ROR1: variants seen among roughly 807,000 people sequenced by gnomAD.
ROR1 encodes ROR family WNT receptor 1, also known as inactive tyrosine-protein kinase transmembrane receptor ROR1.
A neutral mutation model predicts 78.8 loss-of-function variants in ROR1; 19 were observed. The ratio of observed to expected loss-of-function variants is 0.24; its 90% CI spans 0.17 to 0.35. The LOEUF is 0.35. Ranked by LOEUF, ROR1 falls within the 10% of genes least tolerant of loss-of-function variation. ROR1 has a pLI of 1.00. For missense variants in ROR1, 917 were observed against 1,177.8 expected (o/e 0.78, Z 3.24); for synonymous variants, 386 against 433.6 (o/e 0.89, Z 1.36).
intron 2 of ROR1, among the ~76,000 whole-genome samples, chr1:64,041,777 C>T (rs575640737): frequency 1.3e-5 from 2 of 152,296 alleles, no homozygotes; most frequent in South Asian, 2.1e-4. Context: ...AAAATGTGTT[C>T]GGCCAGCACC....
chr1:63,816,344 T>C (rs1213419576), intron 1 of ROR1, among the ~76,000 whole-genome samples: 1 of 152,174 alleles, frequency 6.6e-6, no homozygotes, highest in Non-Finnish European at 1.5e-5. Context: ...AATTGAATCA[T>C]AGGAGCAGGT....
At chr1:63,861,821 A>C (rs896117355) in intron 1 of ROR1, among the ~76,000 whole-genome samples, 4 of 152,204 alleles carry the variant, frequency 2.6e-5, no homozygotes, top group African/African-American at 9.7e-5. Flanking sequence ...ATAAATGCCC[A>C]TTCCAATTGA....
chr1:64,117,366 C>T (rs1312211772), intron 4 of ROR1, among the ~76,000 whole-genome samples: 1 of 152,006 alleles, frequency 6.6e-6, no homozygotes. Flanking sequence ...ATGCAGGAGC[C>T]CACTTTGTAA....
chr1:64,124,602 C>T (rs1648649674), intron 4 of ROR1, among the ~76,000 whole-genome samples: 1 of 152,140 alleles, frequency 6.6e-6, no homozygotes, highest in Non-Finnish European at 1.5e-5. Flanking sequence ...GCATTTCCTT[C>T]CAGACCTCTA....
At chr1:63,853,349 A>G (rs1645126246) in intron 1 of ROR1, among the ~76,000 whole-genome samples, 1 of 152,220 alleles carries the variant, frequency 6.6e-6, no homozygotes, top group Non-Finnish European at 1.5e-5. Flanking sequence ...GAGGTTAAGT[A>G]TTCTGCCCAA....
chr1:64,138,605 G>A (rs1454256121), intron 5 of ROR1, among the ~76,000 whole-genome samples: 2 of 151,146 alleles, frequency 1.3e-5, no homozygotes, highest in Non-Finnish European at 3.0e-5. Flanking sequence ...GAATGCAGTG[G>A]CGCGATCTCG....
intron 1 of ROR1, among the ~76,000 whole-genome samples, chr1:63,898,960 C>G (rs1317742594): frequency 2.0e-5 from 3 of 152,054 alleles, no homozygotes; most frequent in African/African-American, 4.8e-5. Flanking sequence ...TAATAAATCT[C>G]CTGGAAAGTT....
chr1:64,094,132 T>G (rs916982385), intron 4 of ROR1, among the ~76,000 whole-genome samples: 1 of 152,314 alleles, frequency 6.6e-6, no homozygotes. Context: ...GTCTGACTCA[T>G]AATTCATGAA....
At chr1:64,020,309 C>T (rs181553279) in intron 2 of ROR1, among the ~76,000 whole-genome samples, 3 of 152,276 alleles carry the variant, frequency 2.0e-5, no homozygotes, top group East Asian at 1.9e-4. Context: ...TATTATGTTG[C>T]CTTTAAGCTG....
chr1:63,902,548 C>T (rs2100404996), intron 1 of ROR1, among the ~76,000 whole-genome samples: 2 of 152,112 alleles, frequency 1.3e-5, no homozygotes, highest in East Asian at 3.9e-4. Context: ...TGGTCTCGAA[C>T]TCCTGGCTCC....
chr1:64,166,484 A>G (rs1033765187), intron 8 of ROR1, among the ~76,000 whole-genome samples: 4 of 152,328 alleles, frequency 2.6e-5, no homozygotes, highest in East Asian at 1.9e-4. Context: ...CTTCCAATCT[A>G]TGAGCATGGA....
chr1:63,867,627 C>T lies in ROR1; in HGVS notation c.91+93119C>T, dbSNP rs563742620. Among the ~76,000 whole-genome samples, 485 of 152,300 alleles carry T rather than the reference C, an allele frequency of 3.2e-3. 2 individuals are homozygous for T. The highest frequency in any genetic ancestry group is 7.1e-3 in the South Asian group (34 of 4,822). Reference sequence around the variant, plus strand: ...CAGGCCTGTGTTATGTCAGGGGTAACGAGGTGGTTCACTTGTGGAGAGTTT... The same window carrying T: ...CAGGCCTGTGTTATGTCAGGGGTAATGAGGTGGTTCACTTGTGGAGAGTTT... On this transcript the variant is annotated intron_variant, in intron 1 of 8. Transcript: ENST00000371079.
At chr1:64,151,008 A>T (rs1424521398) in intron 7 of ROR1, among the ~76,000 whole-genome samples, 1 of 152,218 alleles carries the variant, frequency 6.6e-6, no homozygotes, top group Non-Finnish European at 1.5e-5. Flanking sequence ...ATCTGATATA[A>T]TACCACAATG....
intron 4 of ROR1, among the ~76,000 whole-genome samples, chr1:64,088,034 A>T (rs1334311746): frequency 6.6e-6 from 1 of 152,192 alleles, no homozygotes; most frequent in Non-Finnish European, 1.5e-5. Context: ...ACACCAAGCT[A>T]CATTTCTGCC....
chr1:63,886,162 A>G (rs1645355784), intron 1 of ROR1, among the ~76,000 whole-genome samples: 1 of 152,184 alleles, frequency 6.6e-6, no homozygotes, highest in Non-Finnish European at 1.5e-5. Flanking sequence ...CTGATCTGAC[A>G]GGAAGTGGAG....
At chr1:64,142,996 A>C in intron 7 of ROR1, 1 of 1,096,720 alleles carries the variant, frequency 9.1e-7, no homozygotes, top group Non-Finnish European at 1.1e-6. Context: ...CCTTTTCAGC[A>C]AAAAAAGGAA....
intron 1 of ROR1, among the ~76,000 whole-genome samples, chr1:63,912,052 CA>C (rs1369148323): frequency 6.7e-6 from 1 of 149,456 alleles, no homozygotes; most frequent in Non-Finnish European, 1.5e-5. Flanking sequence ...TTTGGAAGAC[CA>C]AGGTGGAAGG....
chr1:64,179,023 A>C lies in ROR1; in HGVS notation c.*168A>C. Reference sequence around the variant, plus strand: ...TACCAAGCAGGACAGACACTCGGCCAGAAAAAAAAAAAAAAAAAAAAAACA... The same window carrying C: ...TACCAAGCAGGACAGACACTCGGCCCGAAAAAAAAAAAAAAAAAAAAAACA... On this transcript the variant is annotated 3_prime_UTR_variant, in exon 9 of 9. Transcript: ENST00000371079. The C allele has an allele frequency of 1.5e-5, 2 of 134,770 alleles. No homozygotes were observed. Among genetic ancestry groups the C allele is most frequent in the Non-Finnish European group, 2.5e-5 (2 of 80,554 alleles). The allele number at this position is 134,770 out of a possible 1,614,324, so 8.3% of individuals were successfully genotyped here. A position where few individuals can be genotyped will look rare whatever the true frequency, so the allele number is the denominator to read the frequency against.
chr1:64,167,591 G>A (rs968612934), intron 8 of ROR1, among the ~76,000 whole-genome samples: 1 of 152,206 alleles, frequency 6.6e-6, no homozygotes, highest in Non-Finnish European at 1.5e-5. Flanking sequence ...AGAGTCAATT[G>A]TTTCATAATT....
Sources: allele counts gnomAD v4.1 joint callset (sites outside exome capture counted in the v4.1 genomes callset), GRCh38; gene constraint gnomAD v4.1.1; transcripts MANE v1.5; gene names NCBI Gene and HGNC (gene_info 2026-07-23, HGNC 2026-07-21).